DNAH6: variants seen among roughly 807,000 people sequenced by gnomAD.
DNAH6 encodes the protein axonemal beta dynein heavy chain 6.
In DNAH6, 340 loss-of-function variants were observed where a neutral mutation model predicts 491.4. The observed-to-expected ratio is 0.69, with a 90% confidence interval of 0.63 to 0.76. The LOEUF (loss-of-function observed/expected upper bound fraction) is 0.76. Ranked by LOEUF, DNAH6 falls within the 30% of genes least tolerant of loss-of-function variation. DNAH6 has a pLI of 0.00. For synonymous variants in DNAH6, 1,603 were observed against 1,686.1 expected, an observed-to-expected ratio of 0.95 and a Z score of 1.21; for missense variants, 4,443 against 4,972.2, an observed-to-expected ratio of 0.89 and a Z score of 3.20.
At chr2:84,699,210 C>T (rs371190883) in intron 47 of DNAH6, among the ~76,000 whole-genome samples, 2 of 152,112 alleles carry the variant, frequency 1.3e-5, no homozygotes, top group East Asian at 1.9e-4. Context: ...AAAAAAACTC[C>T]CATACCATGC....
intron 22 of DNAH6, 105 bp downstream of exon 22, chr2:84,611,959 T>TCCATTCAA: frequency 1.0e-6 from 1 of 997,288 alleles, no homozygotes. Flanking sequence ...TAACATATGG[T>TCCATTCAA]CCATTCAACC....
At chr2:84,787,028 T>G in intron 67 of DNAH6, 136 bp from the exon 68 acceptor site, 1 of 585,108 alleles carries the variant, frequency 1.7e-6, no homozygotes, top group Non-Finnish European at 2.9e-6. Flanking sequence ...TAGCTGAAGT[T>G]GAGCCACATG....
chr2:84,539,964 A>G (rs1678081691), intron 4 of DNAH6, among the ~76,000 whole-genome samples: 1 of 152,102 alleles, frequency 6.6e-6, no homozygotes, highest in African/African-American at 2.4e-5. Context: ...TAAATGCAGA[A>G]CTCAGGAAGT....
rs1170645001 is a variant in DNAH6 at position 84,653,300 on chromosome 2, T to A, written c.5079-19T>A. On this transcript the variant is annotated intron_variant, in intron 33 of 76. Transcript: ENST00000389394. ...CAATGACCAGTTGTTCCTAATTGAT[T>A]TTATTTTTGTTTTGACAGTGGAATC... The A allele has an allele frequency of 6.8e-7, 1 of 1,476,640 alleles. No homozygotes were observed. The highest frequency in any genetic ancestry group is 9.0e-7 in the Non-Finnish European group (1 of 1,110,554). The allele number at this position is 1,476,640 out of a possible 1,614,324, so 91.5% of individuals were successfully genotyped here.
At chr2:84,785,872 T>C (rs1216035624) in intron 67 of DNAH6, 116 bp downstream of exon 67, 7 of 1,115,130 alleles carry the variant, frequency 6.3e-6, no homozygotes, top group Non-Finnish European at 8.5e-6. Flanking sequence ...GGCCCCATTC[T>C]GTGTCTGAAC....
At chr2:84,616,764 T>C (rs1475107879) in intron 22 of DNAH6, 122 bp from the exon 23 acceptor site, 1 of 489,030 alleles carries the variant, frequency 2.0e-6, no homozygotes, top group Non-Finnish European at 3.6e-6. Context: ...TTATAAGAGT[T>C]TTATTAAATA....
At position 84,637,290 on chromosome 2, in the gene DNAH6, T is replaced by G; in HGVS notation, c.4734T>G (p.Tyr1578Ter). 6.4e-7 allele frequency: 1 copy of G among 1,551,370 alleles called. No homozygotes were observed. The highest frequency in any genetic ancestry group is 1.4e-5 in the African/African-American group (1 of 73,172). ...CAAFITMNPG[Y>*]AGRTELPDNL... Reference sequence around the variant, plus strand: ...CCTTCATCACAATGAATCCTGGCTATGCAGGGAGAACTGAATTGCCAGATA... The same window carrying G: ...CCTTCATCACAATGAATCCTGGCTAGGCAGGGAGAACTGAATTGCCAGATA... Residue 1578 changes from tyrosine (Y) to a stop codon, truncating the protein, a stop_gained, in exon 31 of 77, where the codon TAT becomes TAG. Transcript: ENST00000389394. LOFTEE classifies it high-confidence loss of function.
At position 84,573,466 on chromosome 2, in the gene DNAH6, G is replaced by A; in HGVS notation, c.1804-1G>A. ...TTTGTCTGCTTATTTATAACATTTA[G>A]GAAACCATTCAGGCCGCATTTGAAT... On this transcript the variant is annotated splice_acceptor_variant, in intron 11 of 76. Coordinates refer to ENST00000389394, the MANE Select transcript of DNAH6 (RefSeq NM_001370.2). LOFTEE classifies it high-confidence loss of function. 1 of 1,576,862 alleles carries A rather than the reference G, an allele frequency of 6.3e-7. No homozygotes were observed. Among genetic ancestry groups the A allele is most frequent in the South Asian group, 1.2e-5 (1 of 83,396 alleles).
At chr2:84,666,547 A>T (rs896256467) in intron 37 of DNAH6, among the ~76,000 whole-genome samples, 17 of 152,120 alleles carry the variant, frequency 1.1e-4, no homozygotes, top group African/African-American at 4.1e-4. Context: ...ACTTACAAGG[A>T]ATGTGAAGGA....
At chr2:84,554,055 C>T (rs1026077398) in intron 10 of DNAH6, among the ~76,000 whole-genome samples, 5 of 152,178 alleles carry the variant, frequency 3.3e-5, no homozygotes, top group African/African-American at 1.2e-4. Flanking sequence ...GACCACCCTA[C>T]TTAGGTCCGA....
chr2:84,638,494 T>G (rs1203230042), intron 31 of DNAH6, among the ~76,000 whole-genome samples: 1 of 151,980 alleles, frequency 6.6e-6, no homozygotes, highest in Non-Finnish European at 1.5e-5. Flanking sequence ...CATGCTACAT[T>G]TCATAACAAG....
intron 8 of DNAH6, among the ~76,000 whole-genome samples, chr2:84,549,452 T>G (rs1679112086): frequency 6.6e-6 from 1 of 152,214 alleles, no homozygotes; most frequent in South Asian, 2.1e-4. Context: ...AATTCAAACC[T>G]TTGGGTTAGC....
chr2:84,716,139 C>G (rs1697512754), intron 58 of DNAH6, among the ~76,000 whole-genome samples: 1 of 147,276 alleles, frequency 6.8e-6, no homozygotes, highest in African/African-American at 2.5e-5. Flanking sequence ...ACATATATAC[C>G]CATATATATA....
At chr2:84,788,880 G>A (rs1420375694) in intron 68 of DNAH6, among the ~76,000 whole-genome samples, 3 of 152,156 alleles carry the variant, frequency 2.0e-5, no homozygotes, top group Admixed American at 6.5e-5. Flanking sequence ...GAAAGGTGTT[G>A]TAGTTCTTAC....
chr2:84,621,430 T>A lies in DNAH6; in HGVS notation c.3958-8T>A. 6.5e-7 allele frequency: 1 copy of A among 1,542,616 alleles called. No homozygotes were observed. The highest frequency in any genetic ancestry group is 8.8e-7 in the Non-Finnish European group (1 of 1,139,240). ...CATCACATATTTAAGAAACATGTTT[T>A]CTTGCAGGTTATCCTGACTGTTTCT... On this transcript the variant is annotated splice_region_variant and splice_polypyrimidine_tract_variant and intron_variant, in intron 25 of 76. Coordinates refer to ENST00000389394, the MANE Select transcript of DNAH6 (RefSeq NM_001370.2).
chr2:84,703,334 G>A (rs534670866), intron 49 of DNAH6, 61 bp from the exon 50 acceptor site: 64 of 1,242,016 alleles, frequency 5.2e-5, no homozygotes, highest in Middle Eastern at 2.7e-4. Flanking sequence ...ATATGTGTTC[G>A]ATACCAGTAA....
chr2:84,465,748 C>T, the DNAH6 span, among the ~76,000 whole-genome samples: 1 of 152,164 alleles, frequency 6.6e-6, no homozygotes, highest in African/African-American at 2.4e-5. Flanking sequence ...CCTCTTGTTT[C>T]TTCTGAGTAG....
rs1345566686 is a variant in DNAH6, at chr2:84,784,798, A to G, written c.10941A>G (p.Gln3647=). The change falls in exon 66 of 77, where the codon CAA becomes CAG. Residue 3647 remains glutamine (Q), a synonymous_variant. Transcript: ENST00000389394. ...PSNTFPVTVL[Q]NSVKVTNEPP... ...ATACATTTCCTGTTACAGTTCTTCA[A>G]AATTCTGTCAAGGTAATGTATGCAT... 1.3e-6 allele frequency: 2 copies of G among 1,548,260 alleles called. No individual in the cohort carries two copies. The highest frequency in any genetic ancestry group is 1.7e-6 in the Non-Finnish European group (2 of 1,144,180).
intron 62 of DNAH6, 33 bp from the exon 63 acceptor site, chr2:84,745,047 A>T: frequency 1.5e-6 from 2 of 1,336,752 alleles, no homozygotes; most frequent in Admixed American, 2.9e-5. Flanking sequence ...AAACAAATCT[A>T]ATTAAATTAT....
Sources: allele counts gnomAD v4.1 joint callset (sites outside exome capture counted in the v4.1 genomes callset), GRCh38; gene constraint gnomAD v4.1.1; transcripts MANE v1.5; gene names NCBI Gene and HGNC (gene_info 2026-07-23, HGNC 2026-07-21).